The following GLB1 variants were observed in gnomAD, a reference collection of about 807,000 sequenced individuals.
GLB1 encodes galactosidase beta 1.
Under a neutral mutation model 74.0 loss-of-function variants are expected in GLB1, and 56 were observed. The observed-to-expected ratio is 0.76, with a 90% CI of 0.61 to 0.94. The LOEUF (loss-of-function observed/expected upper bound fraction) is 0.94, where lower values mean the gene tolerates loss of function less well. Among genes scored for constraint, GLB1 ranks in the 40% least tolerant of loss-of-function variants. The pLI, the probability that GLB1 is intolerant of heterozygous loss-of-function variation, is 0.00. For missense variants in GLB1, 787 were observed against 845.5 expected (o/e 0.93, Z 0.86); for synonymous variants, 323 against 323.6 (o/e 1.00, Z 0.02).
intron 15 of GLB1, among the ~76,000 whole-genome samples, chr3:32,999,562 G>C (rs775819196): frequency 6.6e-6 from 1 of 152,166 alleles, no homozygotes. Flanking sequence ...TGTGCACCTG[G>C]TAGGTAAGCT....
intron 10 of GLB1, among the ~76,000 whole-genome samples, chr3:33,042,253 T>C (rs1481034419): frequency 2.0e-5 from 3 of 152,164 alleles, no homozygotes; most frequent in East Asian, 3.8e-4. Flanking sequence ...ACAACGGCTC[T>C]GCTCAACTCC....
chr3:33,071,506 AT>A (rs747476814), intron 2 of GLB1, among the ~76,000 whole-genome samples: 1 of 152,200 alleles, frequency 6.6e-6, no homozygotes, highest in Non-Finnish European at 1.5e-5. Flanking sequence ...AAGTTATACA[AT>A]TACCGCAGCA....
chr3:33,094,267 G>A, intron 1 of GLB1: 3 of 1,521,598 alleles, frequency 2.0e-6, no homozygotes, highest in South Asian at 1.3e-5. Flanking sequence ...CCTTAGAAAG[G>A]ACAGTGGCCA....
the GLB1 span, among the ~76,000 whole-genome samples, chr3:32,989,139 T>C: frequency 3.9e-5 from 6 of 152,270 alleles, no homozygotes; most frequent in South Asian, 1.0e-3. Context: ...TGGCAGACAG[T>C]GGACAGATGA....
At chr3:32,989,593 CATGGGTCA>C in the GLB1 span, among the ~76,000 whole-genome samples, 5 of 152,224 alleles carry the variant, frequency 3.3e-5, no homozygotes, top group Admixed American at 6.5e-5. Flanking sequence ...ACACAAGACT[CATGGGTCA>C]ATCACCAAAA....
chr3:32,980,802 C>T, the GLB1 span, among the ~76,000 whole-genome samples: 9 of 148,968 alleles, frequency 6.0e-5, no homozygotes, highest in Non-Finnish European at 1.2e-4. Flanking sequence ...AACAAAAAAA[C>T]CATCAGGGCT....
At chr3:33,086,393 A>G (rs1700504279) in intron 1 of GLB1, among the ~76,000 whole-genome samples, 1 of 152,224 alleles carries the variant, frequency 6.6e-6, no homozygotes, top group Non-Finnish European at 1.5e-5. Context: ...TAAAGGATCC[A>G]TAGCCAGTAA....
intron 9 of GLB1, among the ~76,000 whole-genome samples, chr3:33,050,311 A>G (rs1698922577): frequency 6.6e-6 from 1 of 152,254 alleles, no homozygotes; most frequent in Non-Finnish European, 1.5e-5. Flanking sequence ...ACCCAAAGGA[A>G]CTGAAACAGG....
At chr3:33,000,918 C>T (rs1384219522) in intron 15 of GLB1, among the ~76,000 whole-genome samples, 1 of 152,186 alleles carries the variant, frequency 6.6e-6, no homozygotes, top group African/African-American at 2.4e-5. Context: ...TAGACTGCTG[C>T]AGCCTCCTCA....
At chr3:33,008,137 C>T (rs1053491001) in intron 15 of GLB1, among the ~76,000 whole-genome samples, 2 of 152,174 alleles carry the variant, frequency 1.3e-5, no homozygotes, top group Non-Finnish European at 2.9e-5. Flanking sequence ...CTCTGACCTC[C>T]AACACATCCC....
At chr3:33,080,712 A>C (rs912489295) in intron 1 of GLB1, among the ~76,000 whole-genome samples, 1 of 152,142 alleles carries the variant, frequency 6.6e-6, no homozygotes, top group South Asian at 2.1e-4. Flanking sequence ...GATAACTACA[A>C]TATGCATTCT....
chr3:33,024,356 GA>G (rs776526740), intron 10 of GLB1, 31 bp from the exon 11 acceptor site: 2 of 1,595,204 alleles, frequency 1.3e-6, no homozygotes, highest in Non-Finnish European at 8.5e-7. Flanking sequence ...AGAGAGAAAA[GA>G]AAAAAAGTTG....
chr3:33,005,834 A>C lies in GLB1; in HGVS notation c.1734+8222T>G, dbSNP rs191201398. On this transcript the variant is annotated intron_variant, in intron 15 of 15. Transcript: ENST00000307363. Reference sequence around the variant, plus strand: ...GCAAGATGCAACAAACAGTTAAAAGAAGGAATTTCTTTCAACCGTTTATCA... The same window carrying C: ...GCAAGATGCAACAAACAGTTAAAAGCAGGAATTTCTTTCAACCGTTTATCA... Among the ~76,000 whole-genome samples, 89 of 152,084 alleles carry C rather than the reference A, an allele frequency of 5.9e-4. 1 individual carries two copies. Among genetic ancestry groups the C allele is most frequent in the African/African-American group, 2.0e-3 (83 of 41,522 alleles).
At chr3:33,038,747 C>T (rs2125502011) in intron 10 of GLB1, among the ~76,000 whole-genome samples, 1 of 152,228 alleles carries the variant, frequency 6.6e-6, no homozygotes, top group East Asian at 1.9e-4. Flanking sequence ...GTTGAGACCC[C>T]TAAGAAAGTG....
At chr3:32,980,525 T>A in the GLB1 span, among the ~76,000 whole-genome samples, 1 of 152,196 alleles carries the variant, frequency 6.6e-6, no homozygotes, top group African/African-American at 2.4e-5. Context: ...ATCCTTAATT[T>A]AAAACCATCA....
intron 1 of GLB1, among the ~76,000 whole-genome samples, chr3:33,083,195 C>T (rs755115986): frequency 2.0e-5 from 3 of 151,926 alleles, no homozygotes; most frequent in Non-Finnish European, 4.4e-5. Context: ...GTCAGGAGTT[C>T]GAGACCAGCC....
At chr3:32,999,524 G>T (rs1696461217) in intron 15 of GLB1, among the ~76,000 whole-genome samples, 1 of 152,168 alleles carries the variant, frequency 6.6e-6, no homozygotes, top group South Asian at 2.1e-4. Context: ...AAGCATCCAA[G>T]AGATGGGCCC....
intron 1 of GLB1, among the ~76,000 whole-genome samples, chr3:33,082,566 C>G (rs1412094131): frequency 6.6e-6 from 1 of 152,154 alleles, no homozygotes; most frequent in Non-Finnish European, 1.5e-5. Context: ...CTTAATTAAC[C>G]GAGTAGTAGC....
At chr3:33,091,964 C>T (rs555734051) in intron 1 of GLB1, 1 of 984,590 alleles carries the variant, frequency 1.0e-6, no homozygotes, top group East Asian at 1.1e-4. Context: ...CCCCAAATCT[C>T]CTACATATCT....
Sources: gnomAD v4.1 joint callset for allele counts (sites outside exome capture counted in the v4.1 genomes callset) on GRCh38, gnomAD v4.1.1 for gene constraint, MANE v1.5 for transcripts, NCBI Gene and HGNC (gene_info 2026-07-23, HGNC 2026-07-21) for gene names.